Variants in DAB1 observed in about 807,000 individuals in gnomAD.
DAB1 encodes the protein DAB adaptor protein 1.
In DAB1, 15 loss-of-function variants were observed where a neutral mutation model predicts 64.6. The observed-to-expected ratio is 0.23, with a 90% CI of 0.16 to 0.36. The LOEUF (loss-of-function observed/expected upper bound fraction) is 0.36, where lower values mean the gene tolerates loss of function less well. Among genes scored for constraint, DAB1 ranks in the 10% least tolerant of loss-of-function variants. The pLI, the probability that DAB1 is intolerant of heterozygous loss-of-function variation, is 1.00. For synonymous variants in DAB1, 235 were observed against 251.9 expected, an observed-to-expected ratio of 0.93 and a Z score of 0.64; for missense variants, 596 against 706.7, an observed-to-expected ratio of 0.84 and a Z score of 1.78.
intron 2 of DAB1, among the ~76,000 whole-genome samples, chr1:57,245,452 C>T (rs1438104812): frequency 1.3e-5 from 2 of 152,072 alleles, no homozygotes; most frequent in Admixed American, 6.6e-5. Flanking sequence ...CCCTGAAAGG[C>T]CCCAGTATAT....
At chr1:58,055,407 C>T (rs1269314948) in intron 5 of DAB1, among the ~76,000 whole-genome samples, 1 of 152,154 alleles carries the variant, frequency 6.6e-6, no homozygotes, top group Non-Finnish European at 1.5e-5. Flanking sequence ...CACATATCAC[C>T]TTCATTCTAC....
At chr1:57,067,107 C>T (rs1182471713) in intron 8 of DAB1, among the ~76,000 whole-genome samples, 1 of 152,254 alleles carries the variant, frequency 6.6e-6, no homozygotes, top group Non-Finnish European at 1.5e-5. Flanking sequence ...AATTGAGCCC[C>T]AGCAGACTGG....
intron 2 of DAB1, among the ~76,000 whole-genome samples, chr1:57,156,060 G>A (rs1311731259): frequency 1.3e-5 from 2 of 152,118 alleles, no homozygotes; most frequent in African/African-American, 4.8e-5. Flanking sequence ...GTAGGCTGCT[G>A]TCTTTAATGT....
chr1:58,523,409 A>G (rs761093554), intron 2 of DAB1, among the ~76,000 whole-genome samples: 11 of 152,108 alleles, frequency 7.2e-5, no homozygotes, highest in Non-Finnish European at 1.0e-4. Context: ...ATAATGTTCT[A>G]TCGGGGTTCT....
chr1:57,901,328 G>T (rs1644470805), intron 5 of DAB1, among the ~76,000 whole-genome samples: 1 of 152,292 alleles, frequency 6.6e-6, no homozygotes, highest in Non-Finnish European at 1.5e-5. Context: ...GTTCTGAGGA[G>T]CTGGGAAATC....
chr1:57,728,020 C>T (rs560050506), intron 6 of DAB1, among the ~76,000 whole-genome samples: 1 of 152,220 alleles, frequency 6.6e-6, no homozygotes, highest in African/African-American at 2.4e-5. Flanking sequence ...GCCCAGTGTT[C>T]AGCAGGAGCA....
chr1:57,348,480 G>A, intron 1 of DAB1, among the ~76,000 whole-genome samples: 1 of 152,160 alleles, frequency 6.6e-6, no homozygotes, highest in East Asian at 1.9e-4. Flanking sequence ...GTCAGGCCCA[G>A]TACCAGATGC....
At position 58,420,783 on chromosome 1, in the gene DAB1, T is replaced by C. The variant is rs564549600; in HGVS notation, n.258-77380A>G. ...GAGCAGATGGTCATTTTCTTCCCTC[T>C]ACCTTGGACTTTGACCTTCTGCAAG... On this transcript the variant is annotated intron_variant and non_coding_transcript_variant, in intron 3 of 20. Transcript: ENST00000485760. 3.9e-5 allele frequency among the ~76,000 whole-genome samples: 6 copies of C among 152,288 alleles called. No individual in the cohort carries two copies. The South Asian group carries it at 1.2e-3, about 32-fold the overall frequency.
intron 7 of DAB1, among the ~76,000 whole-genome samples, chr1:57,631,891 C>T (rs1458346219): frequency 6.6e-6 from 1 of 152,120 alleles, no homozygotes; most frequent in Non-Finnish European, 1.5e-5. Flanking sequence ...TGGTACCTTC[C>T]CTGCTCCATG....
intron 7 of DAB1, among the ~76,000 whole-genome samples, chr1:57,526,529 A>C (rs2101400480): frequency 6.6e-6 from 1 of 152,336 alleles, no homozygotes; most frequent in South Asian, 2.1e-4. Context: ...CAAACTAAGC[A>C]TCAGGATTCT....
intron 3 of DAB1, among the ~76,000 whole-genome samples, chr1:58,466,304 C>T (rs767465135): frequency 7.2e-5 from 11 of 152,120 alleles, no homozygotes; most frequent in African/African-American, 2.4e-4. Context: ...GCTCCTTCAC[C>T]GGGAGTCAGG....
intron 1 of DAB1, among the ~76,000 whole-genome samples, chr1:57,873,476 C>T (rs1473415277): frequency 1.3e-5 from 2 of 152,148 alleles, no homozygotes; most frequent in Non-Finnish European, 2.9e-5. Flanking sequence ...AATGAATTTA[C>T]ATCTTGAATG....
At chr1:58,182,966 G>T (rs1363352240) in intron 4 of DAB1, among the ~76,000 whole-genome samples, 1 of 151,748 alleles carries the variant, frequency 6.6e-6, no homozygotes, top group African/African-American at 2.4e-5. Context: ...TTATTTCTAG[G>T]ATTTTTATTG....
intron 6 of DAB1, 146 bp from the exon 7 acceptor site, chr1:57,071,207 A>G: frequency 1.2e-6 from 1 of 805,382 alleles, no homozygotes; most frequent in Non-Finnish European, 2.0e-6. Flanking sequence ...AAAACACAAA[A>G]AAGTCAAAAT....
intron 4 of DAB1, among the ~76,000 whole-genome samples, chr1:58,281,354 T>C (rs1306021887): frequency 1.3e-5 from 2 of 151,752 alleles, no homozygotes; most frequent in Non-Finnish European, 1.5e-5. Context: ...GGATTCTTCC[T>C]TGACTACCTT....
At position 57,614,940 on chromosome 1, in the gene DAB1, G is replaced by A. The variant is rs140492120; in HGVS notation, n.625+34652C>T. 1.3e-3 allele frequency among the ~76,000 whole-genome samples: 174 copies of A among 137,152 alleles called. 4 individuals are homozygous for A. In the East Asian group the frequency reaches 0.037, roughly 29 times the overall value. 90.0% of individuals were successfully genotyped at this position (137,152 alleles called of 152,430 possible). On this transcript the variant is annotated intron_variant and non_coding_transcript_variant, in intron 7 of 20. Transcript: ENST00000485760. ...GGCTAGAGTGCAGTGCTGCTGTCTC[G>A]GCTCACTGCAAACTCCCTCTCCCGG... is the stretch of plus-strand genomic sequence containing the variant.
intron 2 of DAB1, among the ~76,000 whole-genome samples, chr1:58,518,337 A>AGAGAAGAGAAGAGAG (rs1646203809): frequency 7.6e-6 from 1 of 131,914 alleles, no homozygotes; most frequent in Non-Finnish European, 1.6e-5. Flanking sequence ...AGAGAAGAGA[A>AGAGAAGAGAAGAGAG]GAGAAGAGAA....
At chr1:57,135,036 C>G (rs1313733520) in intron 4 of DAB1, among the ~76,000 whole-genome samples, 3 of 152,162 alleles carry the variant, frequency 2.0e-5, no homozygotes, top group Non-Finnish European at 2.9e-5. Flanking sequence ...GACTAACACA[C>G]AGCTAGTACA....
At chr1:58,282,154 T>C (rs1017027552) in intron 4 of DAB1, among the ~76,000 whole-genome samples, 4 of 152,346 alleles carry the variant, frequency 2.6e-5, no homozygotes, top group African/African-American at 9.6e-5. Flanking sequence ...TCCCACATCA[T>C]GCCTCTTCAC....
Sources: gnomAD v4.1 joint callset for allele counts (sites outside exome capture counted in the v4.1 genomes callset) on GRCh38, gnomAD v4.1.1 for gene constraint, MANE v1.5 for transcripts, NCBI Gene and HGNC (gene_info 2026-07-23, HGNC 2026-07-21) for gene names.